Variants in IRGM observed in about 807,000 individuals in gnomAD.
The protein encoded by IRGM is immunity-related GTPase family M protein.
For synonymous variants in IRGM, 98 were observed against 80.6 expected (o/e 1.22, Z -1.16); for missense variants, 288 against 219.9 (o/e 1.31, Z -1.96).
At chr5:150,869,705 G>A (rs1754254801) in intron 1 of IRGM, among the ~76,000 whole-genome samples, 1 of 152,124 alleles carries the variant, frequency 6.6e-6, no homozygotes, top group Admixed American at 6.6e-5. Flanking sequence ...TTTAATCTGT[G>A]AGGGTTGTAT....
At position 150,884,059 on chromosome 5, in the gene IRGM, T is replaced by C. The variant is rs10476944; in HGVS notation, c.*140+4413T>C. Among the ~76,000 whole-genome samples the C allele has an allele frequency of 1.8e-3, 277 of 152,076 alleles. 1 individual carries two copies. The highest frequency in any genetic ancestry group is 5.5e-3 in the African/African-American group (229 of 41,536). On this transcript the variant is annotated intron_variant and NMD_transcript_variant, in intron 3 of 3. Coordinates refer to the IRGM transcript ENST00000520549. ...CTCACCACAATCAAGTGGAGTTTAT[T>C]CCAGGAATACAAAGATGGTTCAATA...
At chr5:150,859,013 A>G (rs576575052) in intron 1 of IRGM, among the ~76,000 whole-genome samples, 4 of 152,266 alleles carry the variant, frequency 2.6e-5, no homozygotes, top group Admixed American at 1.3e-4. Context: ...CCCATTTTCA[A>G]TGGGAATGCT....
At chr5:150,861,605 G>T (rs1422090965) in intron 1 of IRGM, among the ~76,000 whole-genome samples, 1 of 152,094 alleles carries the variant, frequency 6.6e-6, no homozygotes, top group Non-Finnish European at 1.5e-5. Context: ...CTGTTCATTG[G>T]ATGTTGGGAG....
At chr5:150,880,820 G>T (rs6888154) in intron 3 of IRGM, among the ~76,000 whole-genome samples, 38,601 of 151,984 alleles carry the variant, frequency 0.25, 7,124 homozygotes, top group East Asian at 0.59. Context: ...GATTTCAAAC[G>T]TCTTCAGTTA....
At chr5:150,896,225 C>T (rs17800771) in intron 3 of IRGM, 72,868 of 1,613,318 alleles carry the variant, frequency 0.045, 2,102 homozygotes, top group East Asian at 0.15. Flanking sequence ...TAATAAGGGA[C>T]GATTTCTGAG....
At chr5:150,873,056 C>A (rs557302004) in intron 1 of IRGM, among the ~76,000 whole-genome samples, 1 of 152,154 alleles carries the variant, frequency 6.6e-6, no homozygotes, top group East Asian at 1.9e-4. Context: ...CGAGGTGGCA[C>A]GAGCCAAGTG....
At chr5:150,861,393 G>T (rs1449157079) in intron 1 of IRGM, among the ~76,000 whole-genome samples, 1 of 152,114 alleles carries the variant, frequency 6.6e-6, no homozygotes, top group Non-Finnish European at 1.5e-5. Context: ...TTAAGGCTTA[G>T]GACAGGAAGT....
intron 1 of IRGM, among the ~76,000 whole-genome samples, chr5:150,872,746 T>C (rs1754303489): frequency 6.6e-6 from 1 of 152,140 alleles, no homozygotes; most frequent in East Asian, 1.9e-4. Context: ...GGTTAAAAGA[T>C]CGCCCACTGT....
chr5:150,848,628 G>C lies in IRGM; in HGVS notation c.505G>C (p.Val169Leu). Residue 169 changes from valine to leucine, a missense_variant, in exon 2 of 2, where the codon GTC becomes CTC. Coordinates refer to ENST00000522154, the MANE Select transcript of IRGM (RefSeq NM_001145805.2). ...EVQLLQIREN[V>L]LENLQKERVC... is the part of the protein sequence containing the mutation. Reference sequence around the variant, plus strand: ...GCAGCTACTGCAGATCAGAGAAAATGTCCTGGAAAATCTCCAGAAGGAGCG... The same window carrying C: ...GCAGCTACTGCAGATCAGAGAAAATCTCCTGGAAAATCTCCAGAAGGAGCG... 6.5e-7 allele frequency: 1 copy of C among 1,545,552 alleles called. No individual in the cohort carries two copies. The highest frequency in any genetic ancestry group is 8.8e-7 in the Non-Finnish European group (1 of 1,142,272).
chr5:150,853,188 C>T (rs1754000743), downstream of IRGM, among the ~76,000 whole-genome samples: 1 of 151,822 alleles, frequency 6.6e-6, no homozygotes, highest in Admixed American at 6.6e-5. Context: ...CTTATTTAAC[C>T]CATTGGTTGT....
intron 1 of IRGM, among the ~76,000 whole-genome samples, chr5:150,867,070 T>TG (rs1181385479): frequency 6.6e-6 from 1 of 152,212 alleles, no homozygotes; most frequent in Non-Finnish European, 1.5e-5. Context: ...TTTGGTTACA[T>TG]GGATAAATTC....
chr5:150,848,279 C>G lies in IRGM; in HGVS notation c.156C>G (p.Ala52=), dbSNP rs1753911199. 6.4e-7 allele frequency: 1 copy of G among 1,551,646 alleles called. No homozygotes were observed. Among genetic ancestry groups the G allele is most frequent in the Admixed American group, 2.0e-5 (1 of 50,966 alleles). Residue 52 remains alanine (A), a synonymous_variant, in exon 2 of 2, where the codon GCC becomes GCG. Transcript: ENST00000522154. The stretch of plus-strand genomic sequence containing the variant: ...ATGGGATGTCCACCTTCATCAGTGC[C>G]CTTCGAAACACAGGACATGAGGGTA... ...SGNGMSTFIS[A]LRNTGHEGKA... is the part of the protein sequence containing the mutation.
chr5:150,898,614 G>A (rs543163722), intron 3 of IRGM: 19 of 1,505,258 alleles, frequency 1.3e-5, no homozygotes, highest in Admixed American at 4.3e-5. Flanking sequence ...CTGCTATAAT[G>A]TGCACAACTA....
intron 3 of IRGM, among the ~76,000 whole-genome samples, chr5:150,892,658 G>A (rs1754629576): frequency 6.6e-6 from 1 of 152,084 alleles, no homozygotes; most frequent in Non-Finnish European, 1.5e-5. Flanking sequence ...CATTAAATAT[G>A]ATGTTTACTG....
intron 1 of IRGM, among the ~76,000 whole-genome samples, chr5:150,866,188 A>T (rs112414727): frequency 4.6e-5 from 7 of 152,194 alleles, no homozygotes; most frequent in Non-Finnish European, 1.0e-4. Context: ...GGCAGCCCAG[A>T]TTCTGATAAG....
chr5:150,865,403 C>G (rs1639688023), intron 1 of IRGM, among the ~76,000 whole-genome samples: 1 of 147,572 alleles, frequency 6.8e-6, no homozygotes, highest in Non-Finnish European at 1.5e-5. Context: ...TGTTAATAGA[C>G]TAAATATTAT....
intron 3 of IRGM, among the ~76,000 whole-genome samples, chr5:150,891,837 T>A (rs6861165): frequency 0.024 from 3,633 of 152,188 alleles, 147 homozygotes; most frequent in African/African-American, 0.083. Flanking sequence ...GTGTTAGACA[T>A]TAAATCAAGC....
intron 1 of IRGM, among the ~76,000 whole-genome samples, chr5:150,865,996 A>T (rs193180016): frequency 2.8e-4 from 43 of 152,234 alleles, no homozygotes; most frequent in African/African-American, 9.6e-4. Context: ...ACCTCAAGTG[A>T]TCCACCCGCC....
chr5:150,876,157 A>C (rs1441663873), intron 1 of IRGM, among the ~76,000 whole-genome samples: 3 of 152,340 alleles, frequency 2.0e-5, no homozygotes, highest in Admixed American at 6.5e-5. Context: ...CACACTTACA[A>C]CACCAACTAT....
Sources: allele counts gnomAD v4.1 joint callset (sites outside exome capture counted in the v4.1 genomes callset), GRCh38; gene constraint gnomAD v4.1.1; transcripts MANE v1.5; gene names NCBI Gene and HGNC (gene_info 2026-07-23, HGNC 2026-07-21).